Variants in ATRNL1 observed in about 807,000 individuals in gnomAD.
ATRNL1 encodes attractin-like protein 1.
ATRNL1 carries 95 observed loss-of-function variants against 182.7 expected under a neutral mutation model. The observed-to-expected ratio is 0.52, with a 90% CI of 0.44 to 0.62. The LOEUF is 0.62. Among genes scored for constraint, ATRNL1 ranks in the 20% least tolerant of loss-of-function variants. The pLI, the probability that ATRNL1 is intolerant of heterozygous loss-of-function variation, is 0.00. For missense variants in ATRNL1, 1,471 were observed against 1,679.5 expected (o/e 0.88, Z 2.17); for synonymous variants, 576 against 568.3 (o/e 1.01, Z -0.19).
At chr10:115,652,234 A>AT (rs61334622) in intron 26 of ATRNL1, among the ~76,000 whole-genome samples, 6 of 149,422 alleles carry the variant, frequency 4.0e-5, no homozygotes, top group Non-Finnish European at 6.0e-5. Flanking sequence ...TGTTGTTGTT[A>AT]TTTTTTTTTT....
At chr10:115,456,175 C>T (rs1847513789) in intron 21 of ATRNL1, among the ~76,000 whole-genome samples, 1 of 152,146 alleles carries the variant, frequency 6.6e-6, no homozygotes, top group Non-Finnish European at 1.5e-5. Context: ...ACTATAAAGA[C>T]ACATGCACAC....
At chr10:115,162,144 A>G (rs894742693) in intron 6 of ATRNL1, among the ~76,000 whole-genome samples, 1 of 146,384 alleles carries the variant, frequency 6.8e-6, no homozygotes, top group Non-Finnish European at 1.5e-5. Flanking sequence ...AAGGCTGGCA[A>G]TGACAAAAAA....
chr10:115,787,711 C>G (rs1022114537), intron 27 of ATRNL1, among the ~76,000 whole-genome samples: 1 of 152,080 alleles, frequency 6.6e-6, no homozygotes, highest in East Asian at 1.9e-4. Flanking sequence ...CCCATTTCCC[C>G]CAAAAGATAT....
At chr10:115,656,714 T>C (rs967848833) in intron 26 of ATRNL1, among the ~76,000 whole-genome samples, 1 of 152,164 alleles carries the variant, frequency 6.6e-6, no homozygotes, top group Non-Finnish European at 1.5e-5. Context: ...AATGATGTGG[T>C]AGGAGAGTGT....
At chr10:115,843,933 A>G (rs1231521801) in intron 27 of ATRNL1, among the ~76,000 whole-genome samples, 2 of 152,132 alleles carry the variant, frequency 1.3e-5, no homozygotes, top group Non-Finnish European at 2.9e-5. Flanking sequence ...TATTAGGTCT[A>G]CAACTTTATT....
intron 26 of ATRNL1, among the ~76,000 whole-genome samples, chr10:115,726,142 G>A (rs1947589807): frequency 6.6e-6 from 1 of 152,024 alleles, no homozygotes; most frequent in African/African-American, 2.4e-5. Flanking sequence ...ATAAACTTGT[G>A]TTTAAATAAT....
chr10:115,918,852 T>C (rs1952958644), intron 28 of ATRNL1, among the ~76,000 whole-genome samples: 2 of 152,138 alleles, frequency 1.3e-5, no homozygotes. Context: ...TAGGCAGAGG[T>C]AATAACTGTT....
chr10:115,244,335 C>T (rs1346129922), intron 10 of ATRNL1, among the ~76,000 whole-genome samples: 1 of 152,094 alleles, frequency 6.6e-6, no homozygotes, highest in Non-Finnish European at 1.5e-5. Context: ...GGGTATATAA[C>T]CTTGCCTTCA....
intron 16 of ATRNL1, among the ~76,000 whole-genome samples, chr10:115,301,526 G>A (rs781891615): frequency 7.9e-5 from 12 of 152,126 alleles, no homozygotes; most frequent in Non-Finnish European, 1.6e-4. Context: ...GGAAAACGTG[G>A]CTGGGAAAAA....
chr10:115,500,703 G>A (rs1849782199), intron 24 of ATRNL1, among the ~76,000 whole-genome samples: 1 of 151,658 alleles, frequency 6.6e-6, no homozygotes, highest in African/African-American at 2.4e-5. Context: ...CACCACGCCT[G>A]GCTAATTTTG....
At chr10:115,564,505 A>G (rs1853953435) in intron 26 of ATRNL1, among the ~76,000 whole-genome samples, 1 of 151,878 alleles carries the variant, frequency 6.6e-6, no homozygotes, top group South Asian at 2.1e-4. Flanking sequence ...GCAATTTGGT[A>G]TTATAAAATT....
intron 5 of ATRNL1, among the ~76,000 whole-genome samples, chr10:115,135,333 CAA>C (rs1386401246): frequency 1.3e-5 from 2 of 152,200 alleles, no homozygotes; most frequent in Admixed American, 1.3e-4. Flanking sequence ...GCAACTTCAG[CAA>C]AGTCTCAGGA....
intron 19 of ATRNL1, among the ~76,000 whole-genome samples, chr10:115,349,752 T>G (rs912982684): frequency 2.0e-5 from 3 of 152,210 alleles, no homozygotes; most frequent in Non-Finnish European, 4.4e-5. Flanking sequence ...TAAGTCTTCT[T>G]TTGAGAAATG....
chr10:115,819,613 TA>T (rs1221925623), intron 27 of ATRNL1, among the ~76,000 whole-genome samples: 6 of 152,280 alleles, frequency 3.9e-5, no homozygotes, highest in African/African-American at 1.4e-4. Flanking sequence ...CTTTCTTTTA[TA>T]CTTTTAACAT....
At chr10:115,326,824 G>A (rs1376696948) in intron 18 of ATRNL1, among the ~76,000 whole-genome samples, 6 of 152,286 alleles carry the variant, frequency 3.9e-5, no homozygotes, top group East Asian at 1.9e-4. Context: ...AGAAAAACAA[G>A]CAATGGGGAA....
chr10:115,140,373 A>G (rs1845708006), intron 5 of ATRNL1, among the ~76,000 whole-genome samples: 1 of 152,334 alleles, frequency 6.6e-6, no homozygotes, highest in Middle Eastern at 3.4e-3. Context: ...TTTTAGCTAT[A>G]GATTGTTACC....
At chr10:115,273,602 C>T (rs1442087597) in intron 13 of ATRNL1, among the ~76,000 whole-genome samples, 1 of 152,208 alleles carries the variant, frequency 6.6e-6, no homozygotes, top group Non-Finnish European at 1.5e-5. Context: ...GAAAGATTTC[C>T]TTTCACTACT....
At chr10:115,172,458 A>G (rs1225768805) in intron 8 of ATRNL1, among the ~76,000 whole-genome samples, 1 of 152,002 alleles carries the variant, frequency 6.6e-6, no homozygotes, top group African/African-American at 2.4e-5. Context: ...TGTTGTAAAT[A>G]TGCACTTAAG....
At chr10:115,676,060 T>G (rs2133939114) in intron 26 of ATRNL1, among the ~76,000 whole-genome samples, 1 of 152,178 alleles carries the variant, frequency 6.6e-6, no homozygotes. Flanking sequence ...CTAATAGTCG[T>G]TTCAGTGACT....
Sources: gnomAD v4.1 joint callset for allele counts (sites outside exome capture counted in the v4.1 genomes callset) on GRCh38, gnomAD v4.1.1 for gene constraint, MANE v1.5 for transcripts, NCBI Gene and HGNC (gene_info 2026-07-23, HGNC 2026-07-21) for gene names.